The following MYO7A variants were observed in gnomAD, a reference collection of about 807,000 sequenced individuals.
MYO7A encodes myosin VIIA, also known as unconventional myosin-VIIa.
In MYO7A, 210 loss-of-function variants were observed where a neutral mutation model predicts 263.8. The observed-to-expected ratio is 0.80, with a 90% CI of 0.71 to 0.89. The LOEUF is 0.89. Among genes scored for constraint, MYO7A ranks in the 40% least tolerant of loss-of-function variants. The pLI, the probability that MYO7A is intolerant of heterozygous loss-of-function variation, is 0.00. For synonymous variants in MYO7A, 1,239 were observed against 1,197.3 expected (o/e 1.03, Z -0.72); for missense variants, 2,820 against 2,968.3 (o/e 0.95, Z 1.16).
At chr11:77,206,611 CCCTCTCCA>C (rs1957460698) in intron 41 of MYO7A, among the ~76,000 whole-genome samples, 1 of 152,204 alleles carries the variant, frequency 6.6e-6, no homozygotes, top group South Asian at 2.1e-4. Flanking sequence ...ACCCCTTCCT[CCCTCTCCA>C]CCTGAGGTGG....
At chr11:77,202,479 G>A (rs189578787) in intron 37 of MYO7A, 55 bp downstream of exon 37, 28 of 1,530,236 alleles carry the variant, frequency 1.8e-5, no homozygotes, top group African/African-American at 2.7e-5. Context: ...GCAGGCTTCC[G>A]CTACTGTCTG....
chr11:77,139,093 T>C (rs1951047664), intron 2 of MYO7A, among the ~76,000 whole-genome samples: 1 of 152,234 alleles, frequency 6.6e-6, no homozygotes, highest in Admixed American at 6.5e-5. Flanking sequence ...TGCATTTGCA[T>C]GGGTCTCTCA....
At chr11:77,185,046 C>T in intron 27 of MYO7A, 1 of 451,358 alleles carries the variant, frequency 2.2e-6, no homozygotes. Flanking sequence ...ATACTATAGT[C>T]TATGAAGTAT....
chr11:77,166,490 G>T (rs1458683454), intron 15 of MYO7A, among the ~76,000 whole-genome samples: 1 of 152,176 alleles, frequency 6.6e-6, no homozygotes, highest in South Asian at 2.1e-4. Flanking sequence ...GGCAGAAAGA[G>T]CACATCCAGC....
At position 77,190,827 on chromosome 11, in the gene MYO7A, A is replaced by G. The variant is rs1444397973; in HGVS notation, c.3881A>G (p.Lys1294Arg). The change falls in exon 30 of 49, where the codon AAG becomes AGG. Residue 1294 changes from lysine to arginine, a missense_variant. Transcript: ENST00000409709. ...GCGCTGGCCGACAAGATCTCTCTCA[A>G]GGACCGGTTCGGGTTCTCCCTCTAC... The part of the protein sequence containing the change: ...CNALADKISL[K>R]DRFGFSLYIA... 6.3e-7 allele frequency: 1 copy of G among 1,589,192 alleles called. No homozygotes were observed. Among genetic ancestry groups the G allele is most frequent in the Non-Finnish European group, 8.6e-7 (1 of 1,168,378 alleles).
At chr11:77,187,992 A>C (rs1955765935) in intron 27 of MYO7A, among the ~76,000 whole-genome samples, 1 of 152,232 alleles carries the variant, frequency 6.6e-6, no homozygotes, top group Non-Finnish European at 1.5e-5. Flanking sequence ...AGGAAAAGGC[A>C]GCTGCTGCAG....
At chr11:77,150,623 C>A (rs1951894796) in intron 4 of MYO7A, among the ~76,000 whole-genome samples, 1 of 152,144 alleles carries the variant, frequency 6.6e-6, no homozygotes, top group South Asian at 2.1e-4. Flanking sequence ...CAGGGCCGTC[C>A]CCTGTGGAGG....
chr11:77,192,030 C>A, intron 30 of MYO7A, 21 bp from the exon 31 acceptor site: 2 of 1,601,722 alleles, frequency 1.2e-6, no homozygotes, highest in Non-Finnish European at 1.7e-6. Context: ...GTGCCTGCTC[C>A]CCTCCCCTCT....
Position 77,190,756 on chromosome 11 carries a change from G to A in MYO7A, c.3810G>A (p.Lys1270=), listed in dbSNP as rs780299679. The A allele has an allele frequency of 3.1e-6, 5 of 1,599,764 alleles. No homozygotes were observed. Among genetic ancestry groups the A allele is most frequent in the Non-Finnish European group, 4.3e-6 (5 of 1,173,656 alleles). The change falls in exon 30 of 49, where the codon AAG becomes AAA. Residue 1270 remains lysine, a synonymous_variant. Coordinates refer to ENST00000409709, the MANE Select transcript of MYO7A (RefSeq NM_000260.4). ...TGACATTCATGGATGGGACCACCAAGACCCTGCTGACGGACTCGGCAACCA... is the reference window on the plus strand; with the variant it reads ...TGACATTCATGGATGGGACCACCAAAACCCTGCTGACGGACTCGGCAACCA... The part of the protein sequence containing the change: ...LPVTFMDGTT[K]TLLTDSATTA...
At chr11:77,153,122 G>T (rs202224533) in intron 4 of MYO7A, among the ~76,000 whole-genome samples, 3 of 152,288 alleles carry the variant, frequency 2.0e-5, no homozygotes, top group East Asian at 3.9e-4. Flanking sequence ...GCTCCGAGTG[G>T]AGGATAGATT....
chr11:77,178,960 C>G, intron 19 of MYO7A, 85 bp from the exon 20 acceptor site: 1 of 1,051,718 alleles, frequency 9.5e-7, no homozygotes, highest in Non-Finnish European at 1.4e-6. Context: ...AGAGCTGGGA[C>G]TCAGCGTGCC....
chr11:77,149,884 T>C (rs1951845278), intron 4 of MYO7A, among the ~76,000 whole-genome samples: 1 of 151,960 alleles, frequency 6.6e-6, no homozygotes, highest in Admixed American at 6.5e-5. Flanking sequence ...AGGGAGGAGC[T>C]AGAACTCGAG....
intron 16 of MYO7A, 112 bp downstream of exon 16, chr11:77,172,997 G>A: frequency 4.3e-6 from 6 of 1,401,662 alleles, no homozygotes; most frequent in Non-Finnish European, 5.7e-6. Flanking sequence ...TCCCTTTGGG[G>A]AATGGGGGGC....
At chr11:77,178,965 C>T (rs1555081974) in intron 19 of MYO7A, 80 bp from the exon 20 acceptor site, 12 of 1,105,512 alleles carry the variant, frequency 1.1e-5, no homozygotes, top group South Asian at 4.0e-5. Context: ...TGGGACTCAG[C>T]GTGCCCTCCT....
At chr11:77,182,993 C>A in intron 25 of MYO7A, 75 bp from the exon 26 acceptor site, 1 of 1,289,052 alleles carries the variant, frequency 7.8e-7, no homozygotes, top group Non-Finnish European at 1.1e-6. Flanking sequence ...CGGTTCCCCG[C>A]AAAGTCTTGC....
At position 77,207,394 on chromosome 11, in the gene MYO7A, G is replaced by T. The variant is rs1241946574; in HGVS notation, c.5848G>T (p.Ala1950Ser). The change falls in exon 42 of 49, where the codon GCA (alanine) becomes TCA (serine). Residue 1950 changes from alanine to serine, a missense_variant. By Grantham distance (99) the Ala-to-Ser change is moderately conservative. Transcript: ENST00000409709. ...SEGFSLFVKI[A>S]DKVLSVPEND... ...GGGATTCAGCCTCTTTGTCAAAATT[G>T]CAGACAAGGTGGGTCCTTTGCCACC... 3 of 1,605,884 alleles carry T rather than the reference G, an allele frequency of 1.9e-6. No individual in the cohort carries two copies. In the South Asian group the frequency reaches 3.4e-5, roughly 18 times the overall value.
rs1555061483 is a variant in MYO7A at position 77,155,939 on chromosome 11, C to G, written c.318C>G (p.Asn106Lys). 2 of 1,610,314 alleles carry G rather than the reference C, an allele frequency of 1.2e-6. No individual in the cohort carries two copies. The highest frequency in any genetic ancestry group is 1.7e-6 in the Non-Finnish European group (2 of 1,177,966). Residue 106 changes from asparagine (N) to lysine (K), a missense_variant, in exon 5 of 49, where the codon AAC becomes AAG. Physicochemically the swap from Asn to Lys is moderately conservative, Grantham distance 94. Coordinates refer to ENST00000409709, the MANE Select transcript of MYO7A (RefSeq NM_000260.4). Reference sequence around the variant, plus strand: ...CGGGCTCCATCCTGGTGGCTGTGAACCCCTACCAGCTGCTCTCCATCTACT... The same window carrying G: ...CGGGCTCCATCCTGGTGGCTGTGAAGCCCTACCAGCTGCTCTCCATCTACT... ...TYTGSILVAVNPYQLLSIYSP... is the reference protein window; with the variant it reads ...TYTGSILVAVKPYQLLSIYSP...
intron 37 of MYO7A, 94 bp downstream of exon 37, chr11:77,202,518 C>T: frequency 6.8e-7 from 1 of 1,470,586 alleles, no homozygotes; most frequent in South Asian, 1.3e-5. Flanking sequence ...TTTGTGAAGC[C>T]CCCACCTGTG....
intron 23 of MYO7A, 111 bp downstream of exon 23, chr11:77,181,700 G>A: frequency 9.3e-7 from 1 of 1,076,660 alleles, no homozygotes; most frequent in Non-Finnish European, 1.3e-6. Flanking sequence ...TGAACAGTGG[G>A]GAGCAGAGAT....
Sources: gnomAD v4.1 joint callset for allele counts (sites outside exome capture counted in the v4.1 genomes callset) on GRCh38, gnomAD v4.1.1 for gene constraint, MANE v1.5 for transcripts, NCBI Gene and HGNC (gene_info 2026-07-23, HGNC 2026-07-21) for gene names.